CELF2: variants seen among roughly 807,000 people sequenced by gnomAD.
CELF2 encodes CUGBP Elav-like family member 2.
CELF2 carries 8 observed loss-of-function variants against 62.6 expected under a neutral mutation model. The observed-to-expected ratio is 0.13, with a 90% CI of 0.07 to 0.23. The LOEUF (loss-of-function observed/expected upper bound fraction) is 0.23, where lower values mean the gene tolerates loss of function less well. Among genes scored for constraint, CELF2 ranks in the 10% least tolerant of loss-of-function variants. The pLI is 1.00. For missense variants in CELF2, 333 were observed against 671.0 expected (o/e 0.50, Z 5.56); for synonymous variants, 258 against 250.0 (o/e 1.03, Z -0.30).
At chr10:10,747,551 C>T in the CELF2 span, among the ~76,000 whole-genome samples, 3 of 152,056 alleles carry the variant, frequency 2.0e-5, no homozygotes, top group Admixed American at 6.5e-5. Flanking sequence ...TGAGGGAAAG[C>T]GGGGATCATC....
rs992601718 is a variant in CELF2, at chr10:11,214,832, T to G, written c.272-2593T>G. On this transcript the variant is annotated intron_variant, in intron 2 of 12. Coordinates refer to ENST00000633077, the MANE Select transcript of CELF2 (RefSeq NM_001326342.2). This position sits in a 1 kb window ranked among gnomAD's most constrained non-coding sequence, Gnocchi z 4.2. ...AAGAGGATCTGTAGTGATAAGTGACTGACTTCACCGTACTAGTTGTAAAGG... is the reference window on the plus strand; with the variant it reads ...AAGAGGATCTGTAGTGATAAGTGACGGACTTCACCGTACTAGTTGTAAAGG... 1.4e-4 allele frequency among the ~76,000 whole-genome samples: 21 copies of G among 152,384 alleles called. No individual in the cohort carries two copies. Among genetic ancestry groups the G allele is most frequent in the African/African-American group, 5.0e-4 (21 of 41,594 alleles).
At chr10:10,611,862 G>A in the CELF2 span, among the ~76,000 whole-genome samples, 9 of 152,172 alleles carry the variant, frequency 5.9e-5, no homozygotes, top group Non-Finnish European at 1.5e-5. Context: ...ACGCAAAAGA[G>A]GCAAGAACTT....
At chr10:10,911,807 T>A (rs1165963641) in intron 1 of CELF2, among the ~76,000 whole-genome samples, 1 of 152,218 alleles carries the variant, frequency 6.6e-6, no homozygotes, top group Non-Finnish European at 1.5e-5. Context: ...GGAGCGCTCT[T>A]GGGAAACTGT....
chr10:10,711,550 G>A, the CELF2 span, among the ~76,000 whole-genome samples: 90,633 of 151,926 alleles, frequency 0.6, 29,827 homozygotes, highest in Non-Finnish European at 0.74. Flanking sequence ...TGTACATCTG[G>A]AGGTTAGTTA....
chr10:11,179,282 A>T (rs200609099), intron 2 of CELF2, among the ~76,000 whole-genome samples: 1 of 60,774 alleles, frequency 1.6e-5, no homozygotes, highest in Admixed American at 2.7e-4. Flanking sequence ...CTGTACTGTT[A>T]AAAAAAAAAA....
At chr10:10,698,348 T>G in the CELF2 span, among the ~76,000 whole-genome samples, 26 of 152,320 alleles carry the variant, frequency 1.7e-4, no homozygotes, top group East Asian at 4.6e-3. Flanking sequence ...GACTTTGATC[T>G]CCGCTTTGAT....
rs79103298 is a variant in CELF2, at chr10:11,227,757, G to C, written c.354+10250G>C. On this transcript the variant is annotated intron_variant, in intron 3 of 12. Coordinates refer to ENST00000633077, the MANE Select transcript of CELF2 (RefSeq NM_001326342.2). The surrounding 1 kb of genome is among the most constrained non-coding windows in gnomAD (Gnocchi z 4.8). ...TAGACCAGGTGGTTATTTGCCACCT[G>C]TAGGCTGGCACTTTCTACAACACTG... is the stretch of plus-strand genomic sequence containing the variant. Among the ~76,000 whole-genome samples the C allele has an allele frequency of 4.3e-3, 650 of 152,340 alleles. 26 individuals carry two copies. The East Asian group carries it at 0.078, about 18-fold the overall frequency.
chr10:11,020,228 C>CA (rs1166006857), intron 1 of CELF2, among the ~76,000 whole-genome samples: 13 of 152,276 alleles, frequency 8.5e-5, no homozygotes, highest in African/African-American at 3.1e-4. Context: ...CCTTTGGAAT[C>CA]AAACCCAAAT....
At position 11,305,170 on chromosome 10, in the gene CELF2, G is replaced by C. The variant is rs76698908; in HGVS notation, c.977-8969G>C. Reference sequence around the variant, plus strand: ...CAAGGCTGGTGAGGGGCTAGGGGGAGGTGGTCCAGGTTATCCACATAGCAG... The same window carrying C: ...CAAGGCTGGTGAGGGGCTAGGGGGACGTGGTCCAGGTTATCCACATAGCAG... On this transcript the variant is annotated intron_variant, in intron 9 of 12. Transcript: ENST00000633077. This position sits in a 1 kb window ranked among gnomAD's most constrained non-coding sequence, Gnocchi z 4.8. Among the ~76,000 whole-genome samples, 669 of 152,308 alleles carry C rather than the reference G, an allele frequency of 4.4e-3. 12 individuals are homozygous for C. Among genetic ancestry groups the C allele is most frequent in the East Asian group, 0.036 (185 of 5,162 alleles).
At chr10:10,480,548 A>T in the CELF2 span, among the ~76,000 whole-genome samples, 1 of 152,210 alleles carries the variant, frequency 6.6e-6, no homozygotes, top group Non-Finnish European at 1.5e-5. Context: ...GGGGGTACAC[A>T]TGAGCTATTC....
At chr10:11,001,462 G>GA (rs1420637078), upstream of CELF2, among the ~76,000 whole-genome samples, 2 of 151,870 alleles carry the variant, frequency 1.3e-5, no homozygotes, top group African/African-American at 2.4e-5. Context: ...ACAGAAAGCA[G>GA]AAAAAAAACT....
the CELF2 span, among the ~76,000 whole-genome samples, chr10:10,527,564 T>A: frequency 6.6e-6 from 1 of 152,050 alleles, no homozygotes; most frequent in Non-Finnish European, 1.5e-5. Flanking sequence ...TCCAAATCAA[T>A]CCAGTACTTG....
chr10:10,619,214 G>A, the CELF2 span, among the ~76,000 whole-genome samples: 1 of 152,312 alleles, frequency 6.6e-6, no homozygotes, highest in East Asian at 1.9e-4. Context: ...GTTAGAAAAA[G>A]AAATGATTTG....
chr10:11,153,901 A>G (rs769456172), intron 1 of CELF2, among the ~76,000 whole-genome samples: 14 of 152,192 alleles, frequency 9.2e-5, no homozygotes, highest in African/African-American at 3.1e-4. Context: ...CTTCACAGCA[A>G]TTTGGTTGCT....
In CELF2 at chr10:11,314,461, C is replaced by G. The variant is rs1591335301; in HGVS notation, c.1096+203C>G. The G allele has an allele frequency of 1.0e-5, 7 of 669,738 alleles. No individual in the cohort carries two copies. Among genetic ancestry groups the G allele is most frequent in the East Asian group, 8.5e-5 (3 of 35,116 alleles). 41.5% of individuals were successfully genotyped at this position (669,738 alleles called of 1,614,324 possible). A position where few individuals can be genotyped will look rare whatever the true frequency, so the allele number is the denominator to read the frequency against. On this transcript the variant is annotated intron_variant, in intron 10 of 12. Coordinates refer to ENST00000633077, the MANE Select transcript of CELF2 (RefSeq NM_001326342.2). The surrounding 1 kb of genome is among the most constrained non-coding windows in gnomAD (Gnocchi z 5.3). Reference sequence around the variant, plus strand: ...AAAATCCCCAACCACTCTCCACCCCCAGATTCTCTTCAGTGTGTAGCACAG... The same window carrying G: ...AAAATCCCCAACCACTCTCCACCCCGAGATTCTCTTCAGTGTGTAGCACAG...
the CELF2 span, among the ~76,000 whole-genome samples, chr10:10,578,636 A>G: frequency 1.9e-3 from 291 of 152,288 alleles, 4 homozygotes; most frequent in Middle Eastern, 0.014. Flanking sequence ...GAAAAGGACC[A>G]TGCAAGCACA....
chr10:10,478,602 G>A, the CELF2 span, among the ~76,000 whole-genome samples: 2 of 147,538 alleles, frequency 1.4e-5, no homozygotes, highest in African/African-American at 5.4e-5. Context: ...GTTGTATTTG[G>A]ACTCACCATG....
intron 1 of CELF2, among the ~76,000 whole-genome samples, chr10:10,855,440 G>A (rs2059647672): frequency 6.6e-6 from 1 of 152,242 alleles, no homozygotes; most frequent in Non-Finnish European, 1.5e-5. Flanking sequence ...ACCAAGGACA[G>A]AGGCTCTGAT....
chr10:11,105,187 G>A (rs770226067), intron 1 of CELF2, among the ~76,000 whole-genome samples: 7 of 152,176 alleles, frequency 4.6e-5, no homozygotes, highest in East Asian at 1.9e-4. Context: ...AAATATAGTC[G>A]TGCTTTTTTA....
Sources: gnomAD v4.1 joint callset for allele counts (sites outside exome capture counted in the v4.1 genomes callset) on GRCh38, gnomAD v4.1.1 for gene constraint, Gnocchi (gnomAD v3.1) non-coding constraint, MANE v1.5 for transcripts, NCBI Gene and HGNC (gene_info 2026-07-23, HGNC 2026-07-21) for gene names.